Variants in TMEM51 observed in about 807,000 individuals in gnomAD.
The protein encoded by TMEM51 is transmembrane protein 51.
A neutral mutation model predicts 13.6 loss-of-function variants in TMEM51; 8 were observed. The observed-to-expected ratio is 0.59, with a 90% CI of 0.35 to 1.07. TMEM51 has a LOEUF of 1.07. Among genes scored for constraint, TMEM51 ranks in the 50% least tolerant of loss-of-function variants. TMEM51 has a pLI of 0.02. For missense variants in TMEM51, 279 were observed against 330.7 expected (o/e 0.84, Z 1.21); for synonymous variants, 147 against 144.4 (o/e 1.02, Z -0.13).
chr1:15,186,436 T>C (rs939864966), intron 1 of TMEM51, among the ~76,000 whole-genome samples: 7 of 152,298 alleles, frequency 4.6e-5, no homozygotes, highest in Admixed American at 3.9e-4. Context: ...TTGTGACTAA[T>C]GGATGTTTGT....
chr1:15,170,295 C>G (rs563598929), intron 1 of TMEM51, among the ~76,000 whole-genome samples: 1 of 152,066 alleles, frequency 6.6e-6, no homozygotes, highest in African/African-American at 2.4e-5. Context: ...TCCTCTCCCC[C>G]GGCCCTCTGC....
chr1:15,207,258 A>G lies in TMEM51; in HGVS notation c.-266-3232A>G, dbSNP rs921897398. 4.6e-5 allele frequency among the ~76,000 whole-genome samples: 7 copies of G among 152,254 alleles called. No individual in the cohort carries two copies. Among genetic ancestry groups the G allele is most frequent in the Admixed American group, 1.3e-4 (2 of 15,288 alleles). ...GGCAAGACCTCCTCCCACTAAAGCCAGCTGGGCTGGGCGCTTCTGCAACTG... is the reference window on the plus strand; with the variant it reads ...GGCAAGACCTCCTCCCACTAAAGCCGGCTGGGCTGGGCGCTTCTGCAACTG... On this transcript the variant is annotated intron_variant, in intron 1 of 3. Transcript: ENST00000376008. This position sits in a 1 kb window ranked among gnomAD's most constrained non-coding sequence, Gnocchi z 4.6.
chr1:15,158,557 A>AGAAAAATCGGTATTTGGCATGC (rs1156587553), intron 1 of TMEM51, among the ~76,000 whole-genome samples: 1 of 152,218 alleles, frequency 6.6e-6, no homozygotes, highest in Non-Finnish European at 1.5e-5. Flanking sequence ...GCAGGTCTCT[A>AGAAAAATCGGTATTTGGCATGC]GAAAAATCGG....
intron 1 of TMEM51, among the ~76,000 whole-genome samples, chr1:15,156,452 G>C (rs1055849889): frequency 6.6e-6 from 1 of 152,234 alleles, no homozygotes; most frequent in African/African-American, 2.4e-5. Flanking sequence ...CCCAAATTAA[G>C]GTGGGAGTCA....
At chr1:15,178,066 C>T (rs1361106870) in intron 1 of TMEM51, among the ~76,000 whole-genome samples, 1 of 151,994 alleles carries the variant, frequency 6.6e-6, no homozygotes, top group African/African-American at 2.4e-5. Flanking sequence ...ACCTTTGACC[C>T]TGGCTCAATA....
intron 1 of TMEM51, among the ~76,000 whole-genome samples, chr1:15,196,217 C>T (rs1244038147): frequency 6.6e-6 from 1 of 152,204 alleles, no homozygotes; most frequent in Non-Finnish European, 1.5e-5. Flanking sequence ...TGGAGACCTG[C>T]CGTGCTGTGC....
intron 1 of TMEM51, chr1:15,168,887 C>T (rs965927309): frequency 1.5e-5 from 17 of 1,172,314 alleles, no homozygotes; most frequent in Non-Finnish European, 1.8e-5. Context: ...GAGTCAATAT[C>T]TGGAGTTGGA....
chr1:15,208,186 C>T (rs932179983), intron 1 of TMEM51, among the ~76,000 whole-genome samples: 3 of 152,150 alleles, frequency 2.0e-5, no homozygotes, highest in African/African-American at 7.2e-5. Context: ...GTGTTATCAT[C>T]ACCCATGGGA....
At chr1:15,159,025 C>T (rs1317581499) in intron 1 of TMEM51, among the ~76,000 whole-genome samples, 2 of 152,120 alleles carry the variant, frequency 1.3e-5, no homozygotes, top group Non-Finnish European at 2.9e-5. Context: ...AATGTAGCTC[C>T]GGTTATACTG....
chr1:15,191,464 G>A (rs996101814), intron 1 of TMEM51, among the ~76,000 whole-genome samples: 2 of 152,168 alleles, frequency 1.3e-5, no homozygotes, highest in African/African-American at 4.8e-5. Context: ...CACCCACGTC[G>A]AGTCAGCTGA....
At chr1:15,154,252 C>G (rs968595013) in intron 1 of TMEM51, among the ~76,000 whole-genome samples, 4 of 152,230 alleles carry the variant, frequency 2.6e-5, no homozygotes, top group African/African-American at 9.6e-5. Context: ...AGGTGCTATC[C>G]GCCCGGCGGG....
At chr1:15,204,757 G>C (rs1309938041) in intron 1 of TMEM51, among the ~76,000 whole-genome samples, 1 of 152,170 alleles carries the variant, frequency 6.6e-6, no homozygotes, top group African/African-American at 2.4e-5. Flanking sequence ...TTATATGACT[G>C]TTGGGTGGGA....
chr1:15,165,903 A>G (rs2100823634), intron 1 of TMEM51, among the ~76,000 whole-genome samples: 1 of 147,782 alleles, frequency 6.8e-6, no homozygotes, highest in Admixed American at 6.7e-5. Context: ...GCGCCACTGC[A>G]CTCCAGCCTG....
chr1:15,191,759 A>G (rs116073681), intron 1 of TMEM51: 399 of 304,450 alleles, frequency 1.3e-3, no homozygotes, highest in African/African-American at 8.3e-3. Context: ...TTTTTTTTGA[A>G]GTTTGCAAAT....
chr1:15,159,371 C>T (rs754018571), intron 1 of TMEM51, among the ~76,000 whole-genome samples: 6 of 152,168 alleles, frequency 3.9e-5, no homozygotes, highest in Non-Finnish European at 7.3e-5. Context: ...CACACGTTCA[C>T]GGTGCAGCCT....
At chr1:15,194,953 T>C (rs1351876432) in intron 1 of TMEM51, among the ~76,000 whole-genome samples, 8 of 141,486 alleles carry the variant, frequency 5.7e-5, no homozygotes, top group Non-Finnish European at 1.2e-4. Flanking sequence ...GACAGGGTCT[T>C]GCTGTGTGTC....
chr1:15,186,082 C>T lies in TMEM51; in HGVS notation c.-266-24408C>T, dbSNP rs1432395642. ...CCCAAGGGAGGGACCCTGCCCCCTC[C>T]TCCCACTCAGCCAGTAGAGAGAGGC... On this transcript the variant is annotated intron_variant, in intron 1 of 3. Coordinates refer to ENST00000376008, the MANE Select transcript of TMEM51 (RefSeq NM_001136218.2). Among the ~76,000 whole-genome samples, 3 of 152,318 alleles carry T rather than the reference C, an allele frequency of 2.0e-5. No individual in the cohort carries two copies. In the East Asian group the frequency reaches 5.8e-4, roughly 29 times the overall value.
At chr1:15,217,980 C>T (rs1644455659) in intron 3 of TMEM51, among the ~76,000 whole-genome samples, 1 of 152,188 alleles carries the variant, frequency 6.6e-6, no homozygotes, top group Non-Finnish European at 1.5e-5. Context: ...CTCATCATTC[C>T]CCACCCTAGC....
intron 1 of TMEM51, among the ~76,000 whole-genome samples, chr1:15,186,472 G>T (rs761294): frequency 1.1e-4 from 17 of 152,158 alleles, no homozygotes; most frequent in Non-Finnish European, 1.9e-4. Flanking sequence ...GAGGGAGAGC[G>T]GGGGGTCATG....
Sources: gnomAD v4.1 joint callset for allele counts (sites outside exome capture counted in the v4.1 genomes callset) on GRCh38, gnomAD v4.1.1 for gene constraint, Gnocchi (gnomAD v3.1) non-coding constraint, MANE v1.5 for transcripts, NCBI Gene and HGNC (gene_info 2026-07-23, HGNC 2026-07-21) for gene names.